Variants in DIS3L2 observed in about 807,000 individuals in gnomAD.
The protein encoded by DIS3L2 is DIS3 like 3'-5' exoribonuclease 2.
In DIS3L2, 34 loss-of-function variants were observed where a neutral mutation model predicts 97.5. The observed-to-expected ratio is 0.35, with a 90% CI of 0.27 to 0.46. The LOEUF (loss-of-function observed/expected upper bound fraction) is 0.46, where lower values mean the gene tolerates loss of function less well. DIS3L2 is among the 20% of genes least tolerant of loss of function. DIS3L2 has a pLI of 1.00. For missense variants in DIS3L2, 1,038 were observed against 1,146.0 expected (o/e 0.91, Z 1.36); for synonymous variants, 435 against 445.2 (o/e 0.98, Z 0.29).
rs1318073035 is a variant in DIS3L2, at chr2:232,161,722, T to C, written c.951-1737T>C. ...CTAGCCTCAAGTGATCCACCCGCCT[T>C]GGCCTCCCAAAGTGATGGGATTACA... On this transcript the variant is annotated intron_variant, in intron 8 of 20. Coordinates refer to ENST00000325385, the MANE Select transcript of DIS3L2 (RefSeq NM_152383.5). Among the ~76,000 whole-genome samples, 3 of 152,166 alleles carry C rather than the reference T, an allele frequency of 2.0e-5. No homozygotes were observed. The East Asian group carries it at 5.8e-4, about 29-fold the overall frequency.
chr2:232,101,885 T>G (rs547623782), intron 6 of DIS3L2, among the ~76,000 whole-genome samples: 10 of 152,366 alleles, frequency 6.6e-5, no homozygotes, highest in African/African-American at 1.9e-4. Context: ...CAAGAATCAT[T>G]GCTGGATACT....
At chr2:232,237,254 C>G (rs559631241) in intron 10 of DIS3L2, among the ~76,000 whole-genome samples, 6 of 152,134 alleles carry the variant, frequency 3.9e-5, no homozygotes, top group Non-Finnish European at 8.8e-5. Flanking sequence ...ACTACCCTCC[C>G]TCATTTAAGG....
chr2:232,183,692 A>G (rs1691355280), intron 9 of DIS3L2, among the ~76,000 whole-genome samples: 1 of 152,158 alleles, frequency 6.6e-6, no homozygotes, highest in African/African-American at 2.4e-5. Context: ...ACTTTAGCTC[A>G]CTGTTATCAC....
intron 6 of DIS3L2, among the ~76,000 whole-genome samples, chr2:232,108,898 A>G (rs1213990881): frequency 2.6e-5 from 4 of 152,210 alleles, no homozygotes; most frequent in Non-Finnish European, 5.9e-5. Flanking sequence ...CTGCTCAAAG[A>G]AATCAGAGAT....
chr2:231,994,152 C>T (rs1380938224), intron 1 of DIS3L2, among the ~76,000 whole-genome samples: 1 of 150,562 alleles, frequency 6.6e-6, no homozygotes, highest in Non-Finnish European at 1.5e-5. Context: ...ATCTTTCCTC[C>T]CTTGAATTGC....
chr2:232,329,785 T>TCCCGGGGGGCG, intron 14 of DIS3L2, 28 bp from the exon 15 acceptor site: 6 of 967,142 alleles, frequency 6.2e-6, no homozygotes, highest in African/African-American at 1.7e-5. Flanking sequence ...ACCCCAGCGG[T>TCCCGGGGGGCG]CCCTCCCATC....
chr2:232,172,810 T>C (rs961991047), intron 9 of DIS3L2: 3 of 531,560 alleles, frequency 5.6e-6, no homozygotes, highest in Admixed American at 3.9e-5. Flanking sequence ...ATTATAGCCA[T>C]CATTGTAGGT....
At chr2:232,330,041 G>A in intron 15 of DIS3L2, 45 bp downstream of exon 15, 3 of 1,567,150 alleles carry the variant, frequency 1.9e-6, no homozygotes, top group Non-Finnish European at 2.6e-6. Flanking sequence ...TTGGGGGAAA[G>A]AAGAGAAAGA....
intron 13 of DIS3L2, among the ~76,000 whole-genome samples, chr2:232,270,672 A>T (rs1446283847): frequency 2.6e-5 from 4 of 152,224 alleles, no homozygotes. Context: ...AACTGTGATG[A>T]CAGCATCAAG....
chr2:232,195,439 G>C (rs373492831), intron 9 of DIS3L2, among the ~76,000 whole-genome samples: 1 of 151,932 alleles, frequency 6.6e-6, no homozygotes, highest in East Asian at 1.9e-4. Context: ...TTAAAAGATA[G>C]TTTGGTGGGC....
At chr2:232,183,768 A>G (rs758891793) in intron 9 of DIS3L2, among the ~76,000 whole-genome samples, 3 of 152,234 alleles carry the variant, frequency 2.0e-5, no homozygotes, top group African/African-American at 4.8e-5. Flanking sequence ...CCCTGGGGCT[A>G]TAAGGCTGTT....
chr2:232,326,147 C>T (rs536077687), intron 14 of DIS3L2, among the ~76,000 whole-genome samples: 1 of 152,328 alleles, frequency 6.6e-6, no homozygotes, highest in East Asian at 1.9e-4. Flanking sequence ...AGCGCCTAGG[C>T]TCTAAGCTGG....
At chr2:232,103,173 T>G (rs1410771633) in intron 6 of DIS3L2, among the ~76,000 whole-genome samples, 2 of 152,170 alleles carry the variant, frequency 1.3e-5, no homozygotes, top group Admixed American at 1.3e-4. Context: ...ATTTTGTAGT[T>G]GGTTGTTTTG....
At chr2:232,235,600 T>G (rs1052115464) in intron 10 of DIS3L2, among the ~76,000 whole-genome samples, 10 of 152,214 alleles carry the variant, frequency 6.6e-5, no homozygotes, top group African/African-American at 1.4e-4. Flanking sequence ...TTGTCAATTT[T>G]GACTAAGGAC....
At chr2:232,177,314 T>C (rs1253454071) in intron 9 of DIS3L2, among the ~76,000 whole-genome samples, 4 of 147,386 alleles carry the variant, frequency 2.7e-5, no homozygotes, top group Non-Finnish European at 6.0e-5. Context: ...CATTTGGGTA[T>C]ATATACCCAG....
intron 5 of DIS3L2, among the ~76,000 whole-genome samples, chr2:232,078,232 T>C (rs1289126331): frequency 1.3e-5 from 2 of 151,830 alleles, no homozygotes; most frequent in Middle Eastern, 3.2e-3. Flanking sequence ...TTAATAGAGA[T>C]GGGGTTTTGC....
At chr2:232,160,928 G>T (rs1470987094) in intron 8 of DIS3L2, among the ~76,000 whole-genome samples, 2 of 151,934 alleles carry the variant, frequency 1.3e-5, no homozygotes, top group Non-Finnish European at 2.9e-5. Context: ...TTGTTTGTTT[G>T]TTTTTTTGAG....
intron 9 of DIS3L2, 61 bp downstream of exon 9, chr2:232,163,693 G>T (rs879529098): frequency 6.9e-5 from 106 of 1,528,342 alleles, no homozygotes; most frequent in Non-Finnish European, 9.1e-5. Context: ...TTTCCTAGGG[G>T]CTAGGCTTAG....
chr2:232,314,112 C>G (rs1695207582), intron 14 of DIS3L2, among the ~76,000 whole-genome samples: 1 of 152,224 alleles, frequency 6.6e-6, no homozygotes. Context: ...TGGAAAGGAG[C>G]CCTCTGGGCC....
Sources: allele counts gnomAD v4.1 joint callset (sites outside exome capture counted in the v4.1 genomes callset), GRCh38; gene constraint gnomAD v4.1.1; transcripts MANE v1.5; gene names NCBI Gene and HGNC (gene_info 2026-07-23, HGNC 2026-07-21).